NRXN3: variants seen among roughly 807,000 people sequenced by gnomAD.
The protein encoded by NRXN3 is neurexin 3, also known as neurexin III.
Under a neutral mutation model 137.6 loss-of-function variants are expected in NRXN3, and 32 were observed. That is an observed-to-expected ratio of 0.23 (90% confidence interval 0.18 to 0.31). NRXN3 has a LOEUF of 0.31. NRXN3 is among the 10% of genes least tolerant of loss of function. NRXN3 has a pLI of 1.00. For missense variants in NRXN3, 1,574 were observed against 2,062.5 expected (o/e 0.76, Z 4.59); for synonymous variants, 798 against 784.5 (o/e 1.02, Z -0.29).
chr14:79,637,592 T>G (rs576860349), intron 16 of NRXN3, among the ~76,000 whole-genome samples: 1 of 152,258 alleles, frequency 6.6e-6, no homozygotes, highest in African/African-American at 2.4e-5. Flanking sequence ...AGCAAACATG[T>G]AGCTCATCAA....
chr14:78,768,075 CAA>C (rs79591478), intron 8 of NRXN3, among the ~76,000 whole-genome samples: 11 of 81,606 alleles, frequency 1.3e-4, no homozygotes, highest in African/African-American at 1.3e-4. Flanking sequence ...ATGTGTTTAC[CAA>C]AAAAAAAAAA....
rs1460911100 is a variant in NRXN3, at chr14:78,297,856, A to G, written c.753A>G (p.Glu251=). 6.5e-7 allele frequency: 1 copy of G among 1,536,240 alleles called. No individual in the cohort carries two copies. Among genetic ancestry groups the G allele is most frequent in the Non-Finnish European group, 8.7e-7 (1 of 1,146,884 alleles). The change falls in exon 4 of 21, where the codon GAA becomes GAG. Residue 251 remains glutamate (E), a synonymous_variant. Coordinates refer to ENST00000335750, the MANE Select transcript of NRXN3 (RefSeq NM_001330195.2). ...DPGLSHLMMS[E]QAREENVATF... ...GCCTCTCCCACCTCATGATGAGTGA[A>G]CAAGGTAGGTGCTTTGTGCTTGTGG...
At chr14:78,671,840 T>C (rs2097939202) in intron 6 of NRXN3, among the ~76,000 whole-genome samples, 2 of 152,206 alleles carry the variant, frequency 1.3e-5, no homozygotes. Flanking sequence ...GTTTAGCAAA[T>C]GGAACACAAA....
At chr14:78,508,635 G>A (rs888167145) in intron 4 of NRXN3, among the ~76,000 whole-genome samples, 7 of 151,844 alleles carry the variant, frequency 4.6e-5, no homozygotes, top group African/African-American at 1.5e-4. Flanking sequence ...CTTTCTAAAT[G>A]GCAAAGTATA....
intron 15 of NRXN3, among the ~76,000 whole-genome samples, chr14:79,269,408 C>G (rs531778025): frequency 6.6e-6 from 1 of 152,238 alleles, no homozygotes; most frequent in African/African-American, 2.4e-5. Context: ...ATGCCTCACT[C>G]TAGAAGAAAA....
Position 78,413,847 on chromosome 14 carries a change from A to G in NRXN3, c.757+115987A>G, listed in dbSNP as rs147040885. Among the ~76,000 whole-genome samples the G allele has an allele frequency of 9.1e-3, 1,383 of 152,226 alleles. 10 individuals are homozygous for G. The highest frequency in any genetic ancestry group is 0.017 in the Middle Eastern group (5 of 294). ...TGATACGGCTTAGCTCTGTGTCCCCACCCAAATTTCACCTTGAATTGTAAT... is the reference window on the plus strand; with the variant it reads ...TGATACGGCTTAGCTCTGTGTCCCCGCCCAAATTTCACCTTGAATTGTAAT... On this transcript the variant is annotated intron_variant, in intron 4 of 20. Transcript: ENST00000335750.
intron 4 of NRXN3, among the ~76,000 whole-genome samples, chr14:78,628,044 T>C (rs2097484011): frequency 6.6e-6 from 1 of 151,828 alleles, no homozygotes; most frequent in African/African-American, 2.4e-5. Flanking sequence ...ATAGTTGATA[T>C]GGATAATACC....
intron 14 of NRXN3, among the ~76,000 whole-genome samples, chr14:78,976,731 C>T (rs1011930575): frequency 6.6e-6 from 1 of 152,166 alleles, no homozygotes; most frequent in Non-Finnish European, 1.5e-5. Context: ...GTGTCCTTTT[C>T]CTCCACATTA....
At chr14:78,792,721 G>A (rs995860069) in intron 8 of NRXN3, among the ~76,000 whole-genome samples, 2 of 152,094 alleles carry the variant, frequency 1.3e-5, no homozygotes, top group African/African-American at 2.4e-5. Context: ...TCACCTATGA[G>A]GTAGATTGCT....
intron 15 of NRXN3, among the ~76,000 whole-genome samples, chr14:78,990,776 T>TA (rs1463876158): frequency 3.3e-5 from 5 of 152,206 alleles, no homozygotes; most frequent in African/African-American, 4.8e-5. Context: ...GTAGATTGTT[T>TA]AAAATTATTA....
At chr14:79,191,656 A>G (rs1005805930) in intron 15 of NRXN3, among the ~76,000 whole-genome samples, 4 of 152,138 alleles carry the variant, frequency 2.6e-5, no homozygotes, top group African/African-American at 7.2e-5. Context: ...ATAGCTTTCT[A>G]TTTGCCAGGC....
At chr14:79,805,692 A>G (rs1405019057) in intron 20 of NRXN3, among the ~76,000 whole-genome samples, 1 of 152,184 alleles carries the variant, frequency 6.6e-6, no homozygotes, top group Non-Finnish European at 1.5e-5. Context: ...ATGTATATAT[A>G]TATTTTCCAT....
intron 4 of NRXN3, among the ~76,000 whole-genome samples, chr14:78,412,746 A>G (rs563804653): frequency 6.6e-6 from 1 of 152,236 alleles, no homozygotes; most frequent in South Asian, 2.1e-4. Context: ...TCATGGTATG[A>G]TCAACTAACA....
At chr14:78,731,824 C>T (rs2098517183) in intron 8 of NRXN3, among the ~76,000 whole-genome samples, 1 of 150,922 alleles carries the variant, frequency 6.6e-6, no homozygotes, top group Non-Finnish European at 1.5e-5. Flanking sequence ...CATAATTATA[C>T]CATAATTTCA....
chr14:79,678,446 T>G (rs1176337303), intron 17 of NRXN3, among the ~76,000 whole-genome samples: 1 of 152,096 alleles, frequency 6.6e-6, no homozygotes, highest in African/African-American at 2.4e-5. Context: ...TAAACCCAGG[T>G]TAAGGAAAGA....
chr14:79,490,571 G>A (rs1406127999), intron 16 of NRXN3, among the ~76,000 whole-genome samples: 1 of 151,008 alleles, frequency 6.6e-6, no homozygotes, highest in Non-Finnish European at 1.5e-5. Context: ...AGCACAGAGA[G>A]ACAAATATCA....
chr14:79,033,083 A>G (rs1568054546), intron 15 of NRXN3, among the ~76,000 whole-genome samples: 1 of 152,098 alleles, frequency 6.6e-6, no homozygotes, highest in Non-Finnish European at 1.5e-5. Context: ...TAGAACGTGT[A>G]CATGCTGTTC....
chr14:79,792,567 AT>A (rs970269855), intron 19 of NRXN3, among the ~76,000 whole-genome samples: 2 of 152,222 alleles, frequency 1.3e-5, no homozygotes, highest in African/African-American at 4.8e-5. Context: ...AGATGCTTAG[AT>A]TTTTTTAAAA....
chr14:78,585,756 G>A (rs1256507816), intron 4 of NRXN3, among the ~76,000 whole-genome samples: 1 of 152,168 alleles, frequency 6.6e-6, no homozygotes, highest in African/African-American at 2.4e-5. Flanking sequence ...AAGGCTGAGA[G>A]AGATGCAGTT....
Sources: gnomAD v4.1 joint callset for allele counts (sites outside exome capture counted in the v4.1 genomes callset) on GRCh38, gnomAD v4.1.1 for gene constraint, MANE v1.5 for transcripts, NCBI Gene and HGNC (gene_info 2026-07-23, HGNC 2026-07-21) for gene names.